The following TRIM23 variants were observed in gnomAD, a reference collection of about 807,000 sequenced individuals.
TRIM23 encodes tripartite motif containing 23.
Under a neutral mutation model 71.0 loss-of-function variants are expected in TRIM23, and 27 were observed. The ratio of observed to expected loss-of-function variants is 0.38; its 90% confidence interval spans 0.28 to 0.52. TRIM23 has a LOEUF of 0.52. TRIM23 is among the 20% of genes least tolerant of loss of function. The pLI, the probability that TRIM23 is intolerant of heterozygous loss-of-function variation, is 0.84. For missense variants in TRIM23, 482 were observed against 692.3 expected (o/e 0.70, Z 3.41); for synonymous variants, 234 against 238.0 (o/e 0.98, Z 0.16).
At chr5:65,607,511 G>A (rs1363025858) in intron 6 of TRIM23, among the ~76,000 whole-genome samples, 1 of 152,074 alleles carries the variant, frequency 6.6e-6, no homozygotes, top group Non-Finnish European at 1.5e-5. Flanking sequence ...CAAGGTGCTT[G>A]CTTCCCCTTC....
chr5:65,609,551 A>G, intron 5 of TRIM23, 93 bp from the exon 6 acceptor site: 1 of 1,320,726 alleles, frequency 7.6e-7, no homozygotes, highest in Non-Finnish European at 1.0e-6. Context: ...CAACATGGCA[A>G]AACTCTGTCT....
At chr5:65,592,036 G>T in intron 10 of TRIM23, 88 bp from the exon 11 acceptor site, 1 of 1,309,506 alleles carries the variant, frequency 7.6e-7, no homozygotes, top group Non-Finnish European at 1.0e-6. Context: ...TTTGTTGACA[G>T]TGTTCTAACA....
At chr5:65,591,986 C>T in intron 10 of TRIM23, 38 bp from the exon 11 acceptor site, 2 of 1,518,690 alleles carry the variant, frequency 1.3e-6, no homozygotes, top group East Asian at 4.6e-5. Context: ...TCAGTCCATC[C>T]AAATTATAAT....
In TRIM23 at chr5:65,590,409, AAAC is replaced by A. The variant is rs1201899007; in HGVS notation, c.*1357_*1359del. On this transcript the variant is annotated 3_prime_UTR_variant, in exon 11 of 11. Coordinates refer to ENST00000231524, the MANE Select transcript of TRIM23 (RefSeq NM_001656.4). ...GTTTTCTAAAACTTGTATTGTTTTT[AAAC>A]AAAAATAGATTTGAAAAGAATGAAC... is the stretch of plus-strand genomic sequence containing the variant. The A allele has an allele frequency of 2.8e-6, 4 of 1,419,384 alleles. No homozygotes were observed. The allele number at this position is 1,419,384 out of a possible 1,614,324, so 87.9% of individuals were successfully genotyped here. A position where few individuals can be genotyped will look rare whatever the true frequency, so the allele number is the denominator to read the frequency against.
intron 4 of TRIM23, 115 bp downstream of exon 4, chr5:65,611,488 C>T: frequency 8.5e-7 from 1 of 1,176,804 alleles, no homozygotes; most frequent in Non-Finnish European, 1.2e-6. Flanking sequence ...AATCACTCAT[C>T]ACTTAACTCT....
Position 65,591,283 on chromosome 5 carries a change from T to A in TRIM23, c.*486A>T. ...CTATTATCCAAATATGTAGTTTGGA[T>A]TCTATTTCATTAAGCAACTGTCATT... is the stretch of plus-strand genomic sequence containing the variant. On this transcript the variant is annotated 3_prime_UTR_variant, in exon 11 of 11. Coordinates refer to ENST00000231524, the MANE Select transcript of TRIM23 (RefSeq NM_001656.4). The A allele has an allele frequency of 1.5e-6, 2 of 1,365,574 alleles. No homozygotes were observed. Among genetic ancestry groups the A allele is most frequent in the Non-Finnish European group, 1.9e-6 (2 of 1,061,400 alleles). The allele number at this position is 1,365,574 out of a possible 1,614,324, so 84.6% of individuals were successfully genotyped here.
chr5:65,609,594 G>T, intron 5 of TRIM23, 136 bp from the exon 6 acceptor site: 1 of 881,062 alleles, frequency 1.1e-6, no homozygotes. Flanking sequence ...GCCAGCCGTG[G>T]TGGCATGTGC....
chr5:65,599,107 G>A (rs1291495744), intron 7 of TRIM23, among the ~76,000 whole-genome samples: 2 of 151,952 alleles, frequency 1.3e-5, no homozygotes, highest in Admixed American at 1.3e-4. Flanking sequence ...CATCCAAATT[G>A]TAAAGGAAGA....
chr5:65,623,529 A>G (rs1041233957), intron 1 of TRIM23, among the ~76,000 whole-genome samples: 2 of 152,230 alleles, frequency 1.3e-5, no homozygotes, highest in African/African-American at 4.8e-5. Flanking sequence ...GAGCATGTAT[A>G]CATGGTAGAA....
chr5:65,620,747 C>G (rs1561753417), intron 1 of TRIM23, among the ~76,000 whole-genome samples: 1 of 149,916 alleles, frequency 6.7e-6, no homozygotes, highest in East Asian at 1.9e-4. Flanking sequence ...TTCAATTTAT[C>G]CTACATTTTT....
chr5:65,592,114 A>C (rs1754055876), intron 10 of TRIM23, among the ~76,000 whole-genome samples, 166 bp from the exon 11 acceptor site: 1 of 152,230 alleles, frequency 6.6e-6, no homozygotes, highest in Non-Finnish European at 1.5e-5. Flanking sequence ...AATAGAAAAA[A>C]TTAGTTTGGT....
At chr5:65,606,225 C>T (rs1754496486) in intron 6 of TRIM23, among the ~76,000 whole-genome samples, 1 of 152,184 alleles carries the variant, frequency 6.6e-6, no homozygotes, top group Non-Finnish European at 1.5e-5. Context: ...AGATGGATCA[C>T]TCGAGCCCAG....
At chr5:65,614,042 C>A in intron 3 of TRIM23, 56 bp downstream of exon 3, 1 of 1,590,222 alleles carries the variant, frequency 6.3e-7, no homozygotes, top group Admixed American at 1.8e-5. Flanking sequence ...ATAATGGCAT[C>A]TATTAAAAGA....
At chr5:65,612,351 A>G (rs1036415665) in intron 3 of TRIM23, among the ~76,000 whole-genome samples, 2 of 152,238 alleles carry the variant, frequency 1.3e-5, no homozygotes, top group African/African-American at 4.8e-5. Context: ...CATCAGAATT[A>G]GCTGTAAGCT....
rs200051715 is a variant in TRIM23, at chr5:65,624,302, G to C, written c.-28C>G. The C allele has an allele frequency of 5.0e-6, 8 of 1,612,160 alleles. No individual in the cohort carries two copies. In the South Asian group the frequency reaches 7.7e-5, roughly 16 times the overall value. On this transcript the variant is annotated 5_prime_UTR_variant, in exon 1 of 11. Transcript: ENST00000231524. ...TCGCAGGGGAAGCGCCACAGAAACAGCCTTCAGAGTCCTCAACTGAGAGGC... is the reference window on the plus strand; with the variant it reads ...TCGCAGGGGAAGCGCCACAGAAACACCCTTCAGAGTCCTCAACTGAGAGGC...
intron 1 of TRIM23, among the ~76,000 whole-genome samples, chr5:65,621,210 G>A (rs1754933168): frequency 6.6e-6 from 1 of 152,140 alleles, no homozygotes; most frequent in Non-Finnish European, 1.5e-5. Context: ...AAATTAGCCA[G>A]GCGCGGTGGC....
rs1753975406 is a variant in TRIM23 at position 65,590,003 on chromosome 5, T to C, written c.*1766A>G. 1 of 263,502 alleles carries C rather than the reference T, an allele frequency of 3.8e-6. No individual in the cohort carries two copies. The highest frequency in any genetic ancestry group is 2.2e-5 in the African/African-American group (1 of 45,218). The allele number at this position is 263,502 out of a possible 1,614,324, so 16.3% of individuals were successfully genotyped here. A position where few individuals can be genotyped will look rare whatever the true frequency, so the allele number is the denominator to read the frequency against. ...AGAAAAATATTTCTTTAAAAATGAA[T>C]CACACACAAACACCTACCATTATAC... On this transcript the variant is annotated 3_prime_UTR_variant, in exon 11 of 11. Transcript: ENST00000231524.
At chr5:65,616,795 C>T (rs911221254) in intron 2 of TRIM23, among the ~76,000 whole-genome samples, 1 of 151,938 alleles carries the variant, frequency 6.6e-6, no homozygotes, top group Non-Finnish European at 1.5e-5. Flanking sequence ...GATCTAGGCT[C>T]ACTGCAACCT....
At position 65,596,509 on chromosome 5, in the gene TRIM23, T is replaced by C; in HGVS notation, c.1332A>G (p.Glu444=). The C allele has an allele frequency of 1.2e-6, 2 of 1,606,680 alleles. No homozygotes were observed. The highest frequency in any genetic ancestry group is 1.7e-6 in the Non-Finnish European group (2 of 1,174,494). ...AAATAGTGAATTTTAGATTTTTATA[T>C]TCTACAGTTTCCACGTTAAAACCTG... ...PTIGFNVETV[E]YKNLKFTIWD... Residue 444 remains glutamate, a synonymous_variant, in exon 9 of 11, where the codon GAA becomes GAG. Transcript: ENST00000231524.
Sources: gnomAD v4.1 joint callset for allele counts (sites outside exome capture counted in the v4.1 genomes callset) on GRCh38, gnomAD v4.1.1 for gene constraint, MANE v1.5 for transcripts, NCBI Gene and HGNC (gene_info 2026-07-23, HGNC 2026-07-21) for gene names.